FAM117A: variants seen among roughly 807,000 people sequenced by gnomAD.
FAM117A encodes family with sequence similarity 117 member A.
In FAM117A, 21 loss-of-function variants were observed where a neutral mutation model predicts 44.1. The ratio of observed to expected loss-of-function variants is 0.48; its 90% confidence interval spans 0.34 to 0.69. The LOEUF (loss-of-function observed/expected upper bound fraction) is 0.69. Among genes scored for constraint, FAM117A ranks in the 30% least tolerant of loss-of-function variants. The probability of loss-of-function intolerance (pLI) is 0.01; values close to 1 mark genes in which losing one functional copy is unlikely to be tolerated. For missense variants in FAM117A, 498 were observed against 589.9 expected (o/e 0.84, Z 1.61); for synonymous variants, 220 against 238.3 (o/e 0.92, Z 0.71).
intron 1 of FAM117A, among the ~76,000 whole-genome samples, chr17:49,761,900 G>A (rs896634546): frequency 1.3e-5 from 2 of 152,136 alleles, no homozygotes; most frequent in African/African-American, 4.8e-5. Flanking sequence ...CCAACTAGGC[G>A]AATGCCTTAT....
At chr17:49,769,514 T>C (rs898455920) in intron 1 of FAM117A, among the ~76,000 whole-genome samples, 3 of 151,312 alleles carry the variant, frequency 2.0e-5, no homozygotes, top group East Asian at 2.0e-4. Flanking sequence ...TTGGCTAACA[T>C]GGTGAAACCC....
intron 1 of FAM117A, among the ~76,000 whole-genome samples, chr17:49,748,308 A>G (rs1691959089): frequency 6.6e-6 from 1 of 152,216 alleles, no homozygotes; most frequent in Admixed American, 6.5e-5. Flanking sequence ...AGGCTCAGTT[A>G]TGATGGTCCT....
chr17:49,712,017 G>T (rs1347160378), intron 7 of FAM117A, among the ~76,000 whole-genome samples: 1 of 152,206 alleles, frequency 6.6e-6, no homozygotes, highest in African/African-American at 2.4e-5. Flanking sequence ...GTGGCAGCAT[G>T]CTCCTGTAAT....
intron 1 of FAM117A, among the ~76,000 whole-genome samples, chr17:49,736,326 G>C (rs755120540): frequency 5.3e-5 from 8 of 151,080 alleles, no homozygotes; most frequent in Non-Finnish European, 8.8e-5. Flanking sequence ...GCACAAGCTC[G>C]GCTTACTGCA....
chr17:49,772,520 G>A (rs2073764059), intron 1 of FAM117A, among the ~76,000 whole-genome samples: 1 of 152,110 alleles, frequency 6.6e-6, no homozygotes, highest in Admixed American at 6.5e-5. Flanking sequence ...GGGAGGCTGA[G>A]GCGGGTGGAT....
intron 1 of FAM117A, among the ~76,000 whole-genome samples, chr17:49,774,729 T>C (rs541238382): frequency 6.6e-6 from 1 of 152,302 alleles, no homozygotes; most frequent in South Asian, 2.1e-4. Flanking sequence ...TGTTTGTTAT[T>C]TAAGTATTTG....
At position 49,756,522 on chromosome 17, in the gene FAM117A, C is replaced by T. The variant is rs192035955; in HGVS notation, c.196+7370G>A. ...GTTCAGAGTCAGAAAGGAGGCACCC[C>T]GTGGATGGCTTGAGCCCAGGATGCT... is the stretch of plus-strand genomic sequence containing the variant. On this transcript the variant is annotated intron_variant, in intron 1 of 7. Transcript: ENST00000240364. 2.0e-3 allele frequency among the ~76,000 whole-genome samples: 298 copies of T among 151,492 alleles called. 1 individual carries two copies. The highest frequency in any genetic ancestry group is 6.8e-3 in the Middle Eastern group (2 of 292).
intron 2 of FAM117A, among the ~76,000 whole-genome samples, chr17:49,723,656 G>C (rs1230488016): frequency 6.6e-6 from 1 of 152,112 alleles, no homozygotes; most frequent in East Asian, 1.9e-4. Flanking sequence ...AAACAGAAAA[G>C]GGGGAGGACG....
intron 1 of FAM117A, among the ~76,000 whole-genome samples, chr17:49,748,045 G>A (rs566692236): frequency 3.9e-4 from 60 of 152,260 alleles, no homozygotes; most frequent in Non-Finnish European, 7.5e-4. Context: ...ATACTTATGA[G>A]GTCGCCTCTC....
chr17:49,726,470 C>G (rs1365164265), intron 2 of FAM117A, among the ~76,000 whole-genome samples: 1 of 152,210 alleles, frequency 6.6e-6, no homozygotes, highest in African/African-American at 2.4e-5. Context: ...CCTCAGCCTC[C>G]TAAAGTGCTG....
At chr17:49,720,514 C>T (rs2073529121) in intron 3 of FAM117A, 78 bp from the exon 4 acceptor site, 1 of 1,100,112 alleles carries the variant, frequency 9.1e-7, no homozygotes, top group African/African-American at 1.5e-5. Flanking sequence ...CAAAGAGTGG[C>T]TCCTGGCAGA....
At chr17:49,777,146 C>T (rs931311727) in intron 1 of FAM117A, among the ~76,000 whole-genome samples, 1 of 152,218 alleles carries the variant, frequency 6.6e-6, no homozygotes, top group African/African-American at 2.4e-5. Context: ...GCCTGCCGCC[C>T]ATTCTCTCTT....
At chr17:49,765,896 T>C (rs2143791352), upstream of FAM117A, among the ~76,000 whole-genome samples, 1 of 152,316 alleles carries the variant, frequency 6.6e-6, no homozygotes, top group Middle Eastern at 3.4e-3. Context: ...AAACATGGAT[T>C]CTTACCATGT....
chr17:49,778,486 A>G (rs566943459), intron 1 of FAM117A, among the ~76,000 whole-genome samples: 6 of 152,278 alleles, frequency 3.9e-5, no homozygotes, highest in East Asian at 1.9e-4. Flanking sequence ...TCTTTTCACA[A>G]TCTTTTAACA....
intron 1 of FAM117A, among the ~76,000 whole-genome samples, chr17:49,769,182 C>A (rs1461962186): frequency 6.6e-6 from 1 of 152,106 alleles, no homozygotes; most frequent in African/African-American, 2.4e-5. Context: ...GTAGTCCCAG[C>A]TGCTTGGGAG....
chr17:49,714,543 G>T (rs1013594686), intron 7 of FAM117A, among the ~76,000 whole-genome samples: 1 of 151,812 alleles, frequency 6.6e-6, no homozygotes, highest in Non-Finnish European at 1.5e-5. Flanking sequence ...TTGCCATGTT[G>T]CCCAGGCTGG....
At chr17:49,762,114 C>A (rs1282286847) in intron 1 of FAM117A, among the ~76,000 whole-genome samples, 1 of 152,170 alleles carries the variant, frequency 6.6e-6, no homozygotes, top group Non-Finnish European at 1.5e-5. Flanking sequence ...ACGTTCTTCC[C>A]CCTTCCACAG....
At chr17:49,780,732 G>A (rs1035025715) in intron 1 of FAM117A, among the ~76,000 whole-genome samples, 1 of 152,038 alleles carries the variant, frequency 6.6e-6, no homozygotes, top group African/African-American at 2.4e-5. Context: ...CCCTTTTTCA[G>A]TAGTATGTGA....
intron 1 of FAM117A, among the ~76,000 whole-genome samples, chr17:49,733,631 C>T (rs147855185): frequency 0.011 from 1,663 of 152,088 alleles, 33 homozygotes; most frequent in East Asian, 0.1. Context: ...CAAGATCGCA[C>T]CACTGCACTC....
Sources: allele counts gnomAD v4.1 joint callset (sites outside exome capture counted in the v4.1 genomes callset), GRCh38; gene constraint gnomAD v4.1.1; transcripts MANE v1.5; gene names NCBI Gene and HGNC (gene_info 2026-07-23, HGNC 2026-07-21).